AUTS2: variants seen among roughly 807,000 people sequenced by gnomAD.
AUTS2 encodes activator of transcription and developmental regulator AUTS2.
AUTS2 carries 17 observed loss-of-function variants against 112.4 expected under a neutral mutation model. That is an observed-to-expected ratio of 0.15 (90% CI 0.10 to 0.23). The LOEUF is 0.23. Among genes scored for constraint, AUTS2 ranks in the 10% least tolerant of loss-of-function variants. The pLI, the probability that AUTS2 is intolerant of heterozygous loss-of-function variation, is 1.00. For missense variants in AUTS2, 1,510 were observed against 1,701.6 expected (o/e 0.89, Z 1.98); for synonymous variants, 751 against 702.7 (o/e 1.07, Z -1.09).
At chr7:69,622,062 T>C (rs1793692954) in intron 1 of AUTS2, among the ~76,000 whole-genome samples, 1 of 152,194 alleles carries the variant, frequency 6.6e-6, no homozygotes, top group African/African-American at 2.4e-5. Flanking sequence ...AGAACTGCCT[T>C]GATTCTTGGT....
At chr7:70,503,057 G>A (rs534230164) in intron 5 of AUTS2, among the ~76,000 whole-genome samples, 1 of 152,208 alleles carries the variant, frequency 6.6e-6, no homozygotes. Context: ...CCAGGGTGGG[G>A]AGGAAAGGAG....
At chr7:69,752,773 T>C (rs1005175351) in intron 1 of AUTS2, among the ~76,000 whole-genome samples, 4 of 152,134 alleles carry the variant, frequency 2.6e-5, no homozygotes, top group African/African-American at 9.7e-5. Flanking sequence ...AAGGCATTCT[T>C]TTTCAATGGG....
chr7:70,410,122 G>T lies in AUTS2; in HGVS notation c.661-25630G>T, dbSNP rs557731729. Among the ~76,000 whole-genome samples, 9 of 152,226 alleles carry T rather than the reference G, an allele frequency of 5.9e-5. No individual in the cohort carries two copies. The South Asian group carries it at 1.9e-3, about 32-fold the overall frequency. On this transcript the variant is annotated intron_variant, in intron 4 of 18. Transcript: ENST00000342771. Reference sequence around the variant, plus strand: ...AGGGAACTTTATAATTAGCTTTTGTGCATATTTTAATTATTTTTGCCCATC... The same window carrying T: ...AGGGAACTTTATAATTAGCTTTTGTTCATATTTTAATTATTTTTGCCCATC...
intron 6 of AUTS2, among the ~76,000 whole-genome samples, chr7:70,713,728 A>G (rs1810190924): frequency 1.3e-5 from 2 of 151,800 alleles, no homozygotes; most frequent in Non-Finnish European, 1.5e-5. Context: ...CCCCGTTTCT[A>G]CTAAAAATAC....
chr7:70,278,580 AACAT>A (rs59363161), intron 4 of AUTS2, among the ~76,000 whole-genome samples: 4,350 of 149,712 alleles, frequency 0.029, 79 homozygotes, highest in African/African-American at 0.061. Context: ...GTCTCTCAAA[AACAT>A]ACATACATAC....
chr7:70,777,089 C>G lies in AUTS2; in HGVS notation c.1933-14C>G, dbSNP rs770261221. 1.9e-6 allele frequency: 3 copies of G among 1,613,840 alleles called. No homozygotes were observed. Among genetic ancestry groups the G allele is most frequent in the Non-Finnish European group, 2.5e-6 (3 of 1,179,788 alleles). The stretch of plus-strand genomic sequence containing the variant: ...ATGTCTTCCTCCTAACCACGTTGCT[C>G]TTTCTTGTTCCAGAAACCAGGGAAG... On this transcript the variant is annotated splice_polypyrimidine_tract_variant and intron_variant, in intron 13 of 18. Coordinates refer to ENST00000342771, the MANE Select transcript of AUTS2 (RefSeq NM_015570.4).
chr7:69,798,577 T>A (rs751337758), intron 1 of AUTS2, among the ~76,000 whole-genome samples: 76 of 152,188 alleles, frequency 5.0e-4, no homozygotes, highest in Non-Finnish European at 4.6e-4. Flanking sequence ...ACTGTACTCA[T>A]AAATGAAGTT....
At chr7:70,492,551 C>T (rs1159637168) in intron 5 of AUTS2, among the ~76,000 whole-genome samples, 1 of 152,094 alleles carries the variant, frequency 6.6e-6, no homozygotes, top group African/African-American at 2.4e-5. Context: ...TAGCTGTGGC[C>T]GAAGTGGGTA....
intron 2 of AUTS2, among the ~76,000 whole-genome samples, chr7:70,116,827 C>T (rs974461940): frequency 1.3e-5 from 2 of 152,104 alleles, no homozygotes; most frequent in Admixed American, 6.6e-5. Flanking sequence ...CATGTATTTC[C>T]TTGTGGTGTT....
chr7:69,729,893 T>C (rs1436184907), intron 1 of AUTS2, among the ~76,000 whole-genome samples: 2 of 152,092 alleles, frequency 1.3e-5, no homozygotes, highest in Non-Finnish European at 2.9e-5. Context: ...CCCTTTATTT[T>C]TGTGCACAAA....
intron 16 of AUTS2, 106 bp downstream of exon 16, chr7:70,785,125 T>G: frequency 8.9e-7 from 1 of 1,119,534 alleles, no homozygotes; most frequent in Non-Finnish European, 1.3e-6. Flanking sequence ...GAGTCCCAGA[T>G]ACCCTGCTTA....
chr7:70,464,075 C>G (rs79780633), intron 5 of AUTS2, among the ~76,000 whole-genome samples: 2,146 of 152,310 alleles, frequency 0.014, 35 homozygotes, highest in Non-Finnish European at 0.02. Flanking sequence ...GCCTGTTAAT[C>G]TAGCAAATGT....
At chr7:69,750,166 T>A (rs1222687889) in intron 1 of AUTS2, among the ~76,000 whole-genome samples, 1 of 152,096 alleles carries the variant, frequency 6.6e-6, no homozygotes, top group African/African-American at 2.4e-5. Flanking sequence ...TAGTAGTACA[T>A]GACCATGGTT....
intron 2 of AUTS2, among the ~76,000 whole-genome samples, chr7:69,927,436 A>G (rs1796064532): frequency 6.6e-6 from 1 of 152,094 alleles, no homozygotes; most frequent in Non-Finnish European, 1.5e-5. Flanking sequence ...GATATTTTAA[A>G]TAATTAAAAA....
intron 5 of AUTS2, among the ~76,000 whole-genome samples, chr7:70,612,748 C>G (rs556464371): frequency 6.6e-6 from 1 of 152,254 alleles, no homozygotes; most frequent in African/African-American, 2.4e-5. Context: ...ATGTCATAAG[C>G]AGTTCTGTCC....
intron 1 of AUTS2, among the ~76,000 whole-genome samples, chr7:69,610,285 G>T (rs1200553675): frequency 6.6e-6 from 1 of 152,184 alleles, no homozygotes; most frequent in Non-Finnish European, 1.5e-5. Flanking sequence ...GTTAAACCAG[G>T]ATGTTTGAGT....
chr7:70,787,328 C>T lies in AUTS2; in HGVS notation c.2428C>T (p.Leu810=). 6.2e-7 allele frequency: 1 copy of T among 1,614,160 alleles called. No homozygotes were observed. Among genetic ancestry groups the T allele is most frequent in the Non-Finnish European group, 8.5e-7 (1 of 1,179,976 alleles). ...GTCGTTCCCGACCCCTCCGCCCTGG[C>T]TGAAGCCAGGGGAGCTGGAGCGCAG... ...PPSFPTPPPW[L]KPGELERSAS... Residue 810 remains leucine, a synonymous_variant, in exon 18 of 19, where the codon CTG becomes TTG. Transcript: ENST00000342771.
chr7:70,569,498 G>A (rs980719854), intron 5 of AUTS2, among the ~76,000 whole-genome samples: 45 of 152,320 alleles, frequency 3.0e-4, no homozygotes, highest in Non-Finnish European at 1.6e-4. Context: ...TTACCCTTCA[G>A]TGCTTCATGG....
chr7:69,694,001 AG>A (rs946471614), intron 1 of AUTS2, among the ~76,000 whole-genome samples: 2 of 152,192 alleles, frequency 1.3e-5, no homozygotes, highest in Non-Finnish European at 2.9e-5. Flanking sequence ...GGGAGACTAC[AG>A]GTAGATTTGC....
Sources: allele counts gnomAD v4.1 joint callset (sites outside exome capture counted in the v4.1 genomes callset), GRCh38; gene constraint gnomAD v4.1.1; transcripts MANE v1.5; gene names NCBI Gene and HGNC (gene_info 2026-07-23, HGNC 2026-07-21).